Variants in SEZ6 observed in about 807,000 individuals in gnomAD.
SEZ6 encodes the protein seizure related 6 homolog.
A neutral mutation model predicts 101.0 loss-of-function variants in SEZ6; 53 were observed. That is an observed-to-expected ratio of 0.52 (90% CI 0.42 to 0.66). The LOEUF is 0.66. SEZ6 is among the 30% of genes least tolerant of loss of function. The pLI is 0.00. For synonymous variants in SEZ6, 488 were observed against 512.2 expected, an observed-to-expected ratio of 0.95 and a Z score of 0.64; for missense variants, 1,102 against 1,289.4, an observed-to-expected ratio of 0.85 and a Z score of 2.23.
rs773117378 is a variant in SEZ6, at chr17:28,964,018, AG to A, written c.1183del (p.Leu395SerfsTer25). 1 of 1,612,350 alleles carries A rather than the reference AG, an allele frequency of 6.2e-7. No individual in the cohort carries two copies. Among genetic ancestry groups the A allele is most frequent in the South Asian group, 1.1e-5 (1 of 90,516 alleles). ...GGGCTGGGTGGCATTGAGACAGGTG[AG>A]ATGCCTGGCGCCCTTCAGCTGGTAG... ...TGYQLKGARH[L>X]TCLNATQPFW... On this transcript the variant is annotated frameshift_variant, in exon 5 of 17. Coordinates refer to ENST00000317338, the MANE Select transcript of SEZ6 (RefSeq NM_178860.5). LOFTEE classifies it high-confidence loss of function.
rs774647524 is a variant in SEZ6, at chr17:28,960,959, C to T, written c.1255G>A (p.Val419Met). 6 of 1,613,244 alleles carry T rather than the reference C, an allele frequency of 3.7e-6. No individual in the cohort carries two copies. The highest frequency in any genetic ancestry group is 1.1e-5 in the South Asian group (1 of 91,054). Residue 419 changes from valine to methionine, a missense_variant, in exon 6 of 17, where the codon GTG becomes ATG. Physicochemically the swap from Val to Met is conservative, Grantham distance 21. Around this residue, in one of 3 missense-constraint regions of SEZ6, gnomAD observed 556 missense variants for 735.1 expected, o/e 0.76. Coordinates refer to ENST00000317338, the MANE Select transcript of SEZ6 (RefSeq NM_178860.5). ...EPVCIAACGG[V>M]IRNATTGRIV... ...CGGCCGGTGGTGGCATTGCGGATCA[C>T]TCCGCCGCAAGCAGCTGTTAAGACC... is the stretch of plus-strand genomic sequence containing the variant.
Position 28,957,768 on chromosome 17 carries a change from G to A in SEZ6, c.2302+179C>T, listed in dbSNP as rs146278542. On this transcript the variant is annotated intron_variant, in intron 11 of 16. Transcript: ENST00000317338. Reference sequence around the variant, plus strand: ...ACCAGGAATGAAATACTTAGAGTACGTGGCTGATAACCCCATGAAAAGTAT... The same window carrying A: ...ACCAGGAATGAAATACTTAGAGTACATGGCTGATAACCCCATGAAAAGTAT... 1.2e-3 allele frequency: 1,020 copies of A among 863,796 alleles called. 2 individuals are homozygous for A. Among genetic ancestry groups the A allele is most frequent in the Admixed American group, 1.7e-3 (59 of 35,494 alleles). The allele number at this position is 863,796 out of a possible 1,614,324, so 53.5% of individuals were successfully genotyped here.
In SEZ6 at chr17:28,981,538, T is replaced by C. The variant is rs1377700507; in HGVS notation, c.557A>G (p.Glu186Gly). ...CGGCCTTCCCATGTCTCCAGGACCCTCTTGGGTTGGTGTCCAGGCTCTGCT... is the reference window on the plus strand; with the variant it reads ...CGGCCTTCCCATGTCTCCAGGACCCCCTTGGGTTGGTGTCCAGGCTCTGCT... ...PPSRAWTPTQ[E>G]GPGDMGRPWV... The change falls in exon 2 of 17, where the codon GAG (glutamate) becomes GGG (glycine). Residue 186 changes from glutamate (E) to glycine (G), a missense_variant. Transcript: ENST00000317338. 6.2e-7 allele frequency: 1 copy of C among 1,612,392 alleles called. No individual in the cohort carries two copies. The highest frequency in any genetic ancestry group is 1.3e-5 in the African/African-American group (1 of 74,906).
intron 1 of SEZ6, among the ~76,000 whole-genome samples, chr17:29,004,297 C>G (rs1442901446): frequency 3.3e-5 from 5 of 152,186 alleles, no homozygotes; most frequent in Admixed American, 2.0e-4. Flanking sequence ...CCATCAGGAC[C>G]CAAGATAGGT....
chr17:28,998,335 G>C (rs1435247491), intron 1 of SEZ6, among the ~76,000 whole-genome samples: 1 of 151,868 alleles, frequency 6.6e-6, no homozygotes, highest in African/African-American at 2.4e-5. Flanking sequence ...AGAGAGAAGA[G>C]CCTGTTGAGA....
At chr17:28,995,051 T>C (rs1251301572) in intron 1 of SEZ6, among the ~76,000 whole-genome samples, 2 of 151,608 alleles carry the variant, frequency 1.3e-5, no homozygotes, top group East Asian at 3.9e-4. Flanking sequence ...TTTTTGTATT[T>C]TGTAGTACAG....
intron 14 of SEZ6, 60 bp downstream of exon 14, chr17:28,956,659 G>A (rs1052578227): frequency 6.6e-5 from 102 of 1,549,248 alleles, no homozygotes; most frequent in Non-Finnish European, 8.9e-5. Context: ...CCATGACCTG[G>A]GAGCCGTGAG....
Position 28,958,159 on chromosome 17 carries a change from C to T in SEZ6, c.2108-18G>A, listed in dbSNP as rs2040914913. The T allele has an allele frequency of 1.3e-6, 2 of 1,578,708 alleles. No homozygotes were observed. The highest frequency in any genetic ancestry group is 1.7e-6 in the Non-Finnish European group (2 of 1,156,034). On this transcript the variant is annotated intron_variant, in intron 10 of 16. Coordinates refer to ENST00000317338, the MANE Select transcript of SEZ6 (RefSeq NM_178860.5). ...GGGCACCTCTGGGGGCACAGAGGCA[C>T]AAGATGCAGGCCCTCGGCCAGCACC...
At chr17:28,981,254 C>T (rs2041296628) in intron 2 of SEZ6, 117 bp downstream of exon 2, 1 of 1,440,758 alleles carries the variant, frequency 6.9e-7, no homozygotes, top group South Asian at 1.5e-5. Context: ...CTCCTGCAGG[C>T]TGGCCCTTGG....
chr17:28,965,244 C>G (rs56939878), intron 4 of SEZ6, among the ~76,000 whole-genome samples: 2,929 of 133,722 alleles, frequency 0.022, 92 homozygotes, highest in African/African-American at 0.077. Flanking sequence ...CCCAGCTACT[C>G]GGGAGGCTGA....
At chr17:29,006,199 CCTGCCCTTCTGCG>C (rs2041689580), upstream of SEZ6, 1 of 210,244 alleles carries the variant, frequency 4.8e-6, no homozygotes, top group Non-Finnish European at 9.4e-6. Context: ...GCACACGGCC[CCTGCCCTTCTGCG>C]CTGCCCACCC....
chr17:28,968,176 G>C (rs1377703650), intron 4 of SEZ6, among the ~76,000 whole-genome samples: 1 of 152,178 alleles, frequency 6.6e-6, no homozygotes, highest in African/African-American at 2.4e-5. Context: ...ACGGAGATTT[G>C]CGTGTGAGCA....
chr17:28,969,711 G>T, intron 4 of SEZ6, 46 bp downstream of exon 4: 2 of 1,409,322 alleles, frequency 1.4e-6, no homozygotes, highest in South Asian at 1.7e-5. Flanking sequence ...CAGCAAGGAG[G>T]GCAGCGAGTC....
upstream of SEZ6, chr17:29,006,185 G>A (rs986098058): frequency 4.4e-6 from 1 of 225,822 alleles, no homozygotes; most frequent in African/African-American, 2.3e-5. Context: ...CCCTACTCAT[G>A]TGGGCACACG....
chr17:28,965,540 G>A (rs1772103747), intron 4 of SEZ6, among the ~76,000 whole-genome samples: 1 of 152,050 alleles, frequency 6.6e-6, no homozygotes, highest in Non-Finnish European at 1.5e-5. Context: ...TACTCAGGAG[G>A]CTGAAGTGGG....
At chr17:28,972,217 G>A (rs1717599776) in intron 3 of SEZ6, among the ~76,000 whole-genome samples, 1 of 152,256 alleles carries the variant, frequency 6.6e-6, no homozygotes, top group Admixed American at 6.5e-5. Context: ...TGCCCATCTT[G>A]CTGTTAAAGC....
At chr17:28,996,177 T>G (rs935642993) in intron 1 of SEZ6, among the ~76,000 whole-genome samples, 3 of 151,112 alleles carry the variant, frequency 2.0e-5, no homozygotes, top group African/African-American at 7.3e-5. Context: ...CACACCCAGC[T>G]AATTAGCTCC....
At chr17:28,968,542 C>T (rs2041104190) in intron 4 of SEZ6, among the ~76,000 whole-genome samples, 2 of 152,196 alleles carry the variant, frequency 1.3e-5, no homozygotes, top group African/African-American at 2.4e-5. Flanking sequence ...CTAGCTGGGC[C>T]GCCTAGACGT....
At position 29,005,871 on chromosome 17, in the gene SEZ6, G is replaced by C. The variant is rs1598221621; in HGVS notation, c.-2C>G. 6.9e-7 allele frequency: 1 copy of C among 1,459,786 alleles called. No individual in the cohort carries two copies. The highest frequency in any genetic ancestry group is 9.0e-7 in the Non-Finnish European group (1 of 1,105,066). The allele number at this position is 1,459,786 out of a possible 1,614,324, so 90.4% of individuals were successfully genotyped here. A position where few individuals can be genotyped will look rare whatever the true frequency, so the allele number is the denominator to read the frequency against. On this transcript the variant is annotated 5_prime_UTR_variant, in exon 1 of 17. Coordinates refer to ENST00000317338, the MANE Select transcript of SEZ6 (RefSeq NM_178860.5). This position sits in a 1 kb window ranked among gnomAD's most constrained non-coding sequence, Gnocchi z 4.8. ...GAGCAGCAGGGCTACCGGGCGCATG[G>C]TGCTGGTTGCGGCCGCGCCCTGGGC...
Sources: gnomAD v4.1 joint callset for allele counts (sites outside exome capture counted in the v4.1 genomes callset) on GRCh38, gnomAD v4.1.1 for gene constraint, gnomAD v4.1.1 regional missense constraint, Gnocchi (gnomAD v3.1) non-coding constraint, MANE v1.5 for transcripts, NCBI Gene and HGNC (gene_info 2026-07-23, HGNC 2026-07-21) for gene names.